The following WNT7B variants were observed in gnomAD, a reference collection of about 807,000 sequenced individuals.
WNT7B encodes Wnt family member 7B, also known as protein Wnt-7b.
WNT7B carries 19 observed loss-of-function variants against 38.2 expected under a neutral mutation model. That is an observed-to-expected ratio of 0.50 (90% CI 0.35 to 0.73). WNT7B has a LOEUF of 0.73. WNT7B is among the 30% of genes least tolerant of loss of function. The pLI, the probability that WNT7B is intolerant of heterozygous loss-of-function variation, is 0.01. For synonymous variants in WNT7B, 243 were observed against 209.3 expected (o/e 1.16, Z -1.39); for missense variants, 423 against 507.9 (o/e 0.83, Z 1.61).
At chr22:45,942,998 G>T (rs370790683) in intron 2 of WNT7B, among the ~76,000 whole-genome samples, 3 of 150,236 alleles carry the variant, frequency 2.0e-5, no homozygotes, top group African/African-American at 5.0e-5. Flanking sequence ...ATGTGTGTAG[G>T]CGTGTATGTG....
At chr22:45,931,415 C>A in intron 2 of WNT7B, 46 bp from the exon 3 acceptor site, 2 of 1,529,610 alleles carry the variant, frequency 1.3e-6, no homozygotes, top group Non-Finnish European at 1.8e-6. Context: ...AGGCCCTGGG[C>A]CAGGTGGGCT....
intron 2 of WNT7B, among the ~76,000 whole-genome samples, chr22:45,935,549 G>A (rs898344068): frequency 6.6e-6 from 1 of 152,162 alleles, no homozygotes; most frequent in Non-Finnish European, 1.5e-5. Flanking sequence ...AGGGAGGGAG[G>A]CTCCCTCCTC....
Position 45,972,197 on chromosome 22 carries a change from T to C in WNT7B, c.71+4487A>G, listed in dbSNP as rs1435489055. 3.6e-5 allele frequency: 22 copies of C among 603,076 alleles called. No individual in the cohort carries two copies. In the East Asian group the frequency reaches 5.9e-4, roughly 16 times the overall value. 37.4% of individuals were successfully genotyped at this position (603,076 alleles called of 1,614,324 possible). On this transcript the variant is annotated intron_variant, in intron 1 of 3. Coordinates refer to ENST00000339464, the MANE Select transcript of WNT7B (RefSeq NM_058238.3). ...CAGGAGGAGAAAGATCTGCGGGCAATAGACGGAGACGAGCGCGCTGCGCGG... is the reference window on the plus strand; with the variant it reads ...CAGGAGGAGAAAGATCTGCGGGCAACAGACGGAGACGAGCGCGCTGCGCGG...
intron 1 of WNT7B, among the ~76,000 whole-genome samples, chr22:45,964,281 C>T (rs971454101): frequency 6.6e-6 from 1 of 152,128 alleles, no homozygotes; most frequent in Non-Finnish European, 1.5e-5. Context: ...TCCCTGAACA[C>T]CCTGAGGCTC....
intron 3 of WNT7B, among the ~76,000 whole-genome samples, chr22:45,928,139 G>C (rs1043715266): frequency 6.6e-6 from 1 of 152,166 alleles, no homozygotes; most frequent in Non-Finnish European, 1.5e-5. Flanking sequence ...GGCCCCACCC[G>C]CGGCACTTGT....
chr22:45,964,053 A>G (rs1028082137), intron 1 of WNT7B, among the ~76,000 whole-genome samples: 9 of 152,124 alleles, frequency 5.9e-5, no homozygotes, highest in Admixed American at 3.3e-4. Flanking sequence ...CCCTCAGCCC[A>G]GTGCCCCTCC....
rs539517568 is a variant in WNT7B at position 45,966,760 on chromosome 22, G to A, written c.71+9924C>T. On this transcript the variant is annotated intron_variant, in intron 1 of 3. Coordinates refer to ENST00000339464, the MANE Select transcript of WNT7B (RefSeq NM_058238.3). This position sits in a 1 kb window ranked among gnomAD's most constrained non-coding sequence, Gnocchi z 4.2. ...CTGCTCCAGCCTGGGGATGGAGGAA[G>A]TGTCGATGGCCCTGTGCCAAGCCTC... Among the ~76,000 whole-genome samples, 1 of 152,362 alleles carries A rather than the reference G, an allele frequency of 6.6e-6. No homozygotes were observed. The highest frequency in any genetic ancestry group is 2.4e-5 in the African/African-American group (1 of 41,596).
chr22:45,929,855 T>C (rs1931266047), intron 3 of WNT7B, among the ~76,000 whole-genome samples: 1 of 126,140 alleles, frequency 7.9e-6, no homozygotes, highest in Admixed American at 7.9e-5. Context: ...CACCCACTCA[T>C]CCTTCCATCC....
chr22:45,972,116 G>GGGGCCCCCCCCCCCCC, intron 1 of WNT7B: 2 of 530,744 alleles, frequency 3.8e-6, no homozygotes, highest in African/African-American at 2.1e-5. Flanking sequence ...CCCGGGGGGA[G>GGGGCCCCCCCCCCCCC]CCCACCCGCC....
At chr22:45,949,682 C>G (rs937860405) in intron 2 of WNT7B, among the ~76,000 whole-genome samples, 3 of 152,246 alleles carry the variant, frequency 2.0e-5, no homozygotes, top group African/African-American at 7.2e-5. Context: ...CCTCCAGCCC[C>G]GAGCAAGGAC....
chr22:45,941,175 G>A (rs927799520), intron 2 of WNT7B, among the ~76,000 whole-genome samples: 3 of 152,184 alleles, frequency 2.0e-5, no homozygotes, highest in South Asian at 2.1e-4. Context: ...TAGAGCTAAC[G>A]GGATTAGCAA....
At chr22:45,948,358 G>A (rs73888720) in intron 2 of WNT7B, among the ~76,000 whole-genome samples, 3,929 of 152,218 alleles carry the variant, frequency 0.026, 175 homozygotes, top group African/African-American at 0.09. Flanking sequence ...GGGAGCGGGC[G>A]GTGCCACCCT....
chr22:45,950,289 C>T (rs1279579032), intron 1 of WNT7B, 143 bp from the exon 2 acceptor site: 3 of 720,042 alleles, frequency 4.2e-6, no homozygotes, highest in African/African-American at 3.5e-5. Flanking sequence ...TCCCTGCCCT[C>T]AAGGGGCTGT....
Position 45,976,568 on chromosome 22 carries a change from C to T in WNT7B, c.71+116G>A. The stretch of plus-strand genomic sequence containing the variant: ...TCTGACACACGGGCCAGCCCCGGAG[C>T]CCAGAGAGCTGCAGTGGCCCCCTCC... On this transcript the variant is annotated intron_variant, in intron 1 of 3. Coordinates refer to ENST00000339464, the MANE Select transcript of WNT7B (RefSeq NM_058238.3). This position sits in a 1 kb window ranked among gnomAD's most constrained non-coding sequence, Gnocchi z 8.5. The T allele has an allele frequency of 8.8e-7, 1 of 1,142,060 alleles. No individual in the cohort carries two copies. Among genetic ancestry groups the T allele is most frequent in the South Asian group, 1.4e-5 (1 of 73,220 alleles). The allele number at this position is 1,142,060 out of a possible 1,614,324, so 70.7% of individuals were successfully genotyped here.
chr22:45,941,841 C>T (rs1043678901), intron 2 of WNT7B, among the ~76,000 whole-genome samples: 2 of 152,124 alleles, frequency 1.3e-5, no homozygotes, highest in African/African-American at 4.8e-5. Context: ...GGGATGAGGC[C>T]TGGTGTCGTG....
chr22:45,949,935 G>A lies in WNT7B; in HGVS notation c.283C>T (p.Gln95Ter), dbSNP rs201186163. 2 of 1,608,912 alleles carry A rather than the reference G, an allele frequency of 1.2e-6. No homozygotes were observed. Among genetic ancestry groups the A allele is most frequent in the Admixed American group, 1.7e-5 (1 of 59,954 alleles). ...SALGEKTVFG[Q>*]ELRVGSREAA... Reference sequence around the variant, plus strand: ...GCGCCCTTACCTACTCGGAGCTCTTGCCCGAAGACGGTCTTCTCGCCGAGG... The same window carrying A: ...GCGCCCTTACCTACTCGGAGCTCTTACCCGAAGACGGTCTTCTCGCCGAGG... The change falls in exon 2 of 4, where the codon CAA becomes TAA. Residue 95 changes from glutamine (Q) to a stop codon, truncating the protein, a stop_gained. Coordinates refer to ENST00000339464, the MANE Select transcript of WNT7B (RefSeq NM_058238.3). LOFTEE classifies it high-confidence loss of function.
At chr22:45,941,294 G>A (rs1249963972) in intron 2 of WNT7B, among the ~76,000 whole-genome samples, 3 of 152,210 alleles carry the variant, frequency 2.0e-5, no homozygotes, top group Non-Finnish European at 4.4e-5. Context: ...CGGATCACCT[G>A]AGATCAGGGG....
Position 45,931,322 on chromosome 22 carries a change from C to T in WNT7B, c.346G>A (p.Ala116Thr), listed in dbSNP as rs1162697692. 1 of 1,596,574 alleles carries T rather than the reference C, an allele frequency of 6.3e-7. No individual in the cohort carries two copies. The highest frequency in any genetic ancestry group is 8.5e-7 in the Non-Finnish European group (1 of 1,178,652). ...FTYAITAAGV[A>T]HAVTAACSQG... ...CTGCAGGCAGCGGTGACGGCGTGCG[C>T]CACGCCAGCCGCGGTGATGGCGTAC... The change falls in exon 3 of 4, where the codon GCG (alanine) becomes ACG (threonine). Residue 116 changes from alanine to threonine, a missense_variant. Ala to Thr is a moderately conservative substitution (Grantham distance 58). Transcript: ENST00000339464.
At chr22:45,938,049 G>A (rs1180446663) in intron 2 of WNT7B, among the ~76,000 whole-genome samples, 2 of 152,102 alleles carry the variant, frequency 1.3e-5, no homozygotes, top group African/African-American at 4.8e-5. Context: ...TAATAAAATG[G>A]TTAACAACTC....
Sources: allele counts gnomAD v4.1 joint callset (sites outside exome capture counted in the v4.1 genomes callset), GRCh38; gene constraint gnomAD v4.1.1; non-coding constraint Gnocchi (gnomAD v3.1); transcripts MANE v1.5; gene names NCBI Gene and HGNC (gene_info 2026-07-23, HGNC 2026-07-21).